MAGT1: variants seen among roughly 807,000 people sequenced by gnomAD.
The protein encoded by MAGT1 is magnesium transporter 1.
In MAGT1, 4 loss-of-function variants were observed where a neutral mutation model predicts 28.4. That is an observed-to-expected ratio of 0.14 (90% CI 0.07 to 0.32). The LOEUF (loss-of-function observed/expected upper bound fraction) is 0.32. Ranked by LOEUF, MAGT1 falls within the 10% of genes least tolerant of loss-of-function variation. MAGT1 has a pLI of 1.00. For missense variants in MAGT1, 193 were observed against 264.5 expected (o/e 0.73, Z 1.88); for synonymous variants, 89 against 89.7 (o/e 0.99, Z 0.04).
chrX:77,894,860 T>C (rs2077094037), intron 1 of MAGT1, among the ~76,000 whole-genome samples: 1 of 112,201 alleles, frequency 8.9e-6, no homozygotes, highest in Admixed American at 9.5e-5. Context: ...GTAATAAATC[T>C]GGCATAATTT....
intron 1 of MAGT1, among the ~76,000 whole-genome samples, chrX:77,893,045 GGGAGGCCAAGGTGGGA>G (rs1198522757): frequency 2.7e-5 from 3 of 111,875 alleles, no homozygotes; most frequent in African/African-American, 9.7e-5. Context: ...TCAGCACTTT[GGGAGGCCAAGGTGGGA>G]GGATCACTTG....
Position 77,869,585 on chromosome X carries a change from G to A in MAGT1, c.390+1223C>T, listed in dbSNP as rs1211470083. Among the ~76,000 whole-genome samples the A allele has an allele frequency of 3.6e-5, 4 of 111,049 alleles. No individual in the cohort carries two copies. The East Asian group carries it at 1.1e-3, about 31-fold the overall frequency. On this transcript the variant is annotated intron_variant, in intron 3 of 9. Transcript: ENST00000618282. The stretch of plus-strand genomic sequence containing the variant: ...AAAACAAACAATCCCATCAAAAAAT[G>A]GGTAAAGGACAAGAATAGACATTTC...
intron 1 of MAGT1, 95 bp downstream of exon 1, chrX:77,895,214 A>C (rs1001550444): frequency 2.1e-6 from 2 of 973,896 alleles, no homozygotes; most frequent in African/African-American, 3.8e-5. Flanking sequence ...AAAGGCATAG[A>C]AGCGGCAGGG....
intron 1 of MAGT1, among the ~76,000 whole-genome samples, chrX:77,891,571 G>A (rs1293517126): frequency 9.0e-6 from 1 of 111,673 alleles, no homozygotes; most frequent in Non-Finnish European, 1.9e-5. Flanking sequence ...CAATGTTAAT[G>A]TGTGTATTAT....
At chrX:77,851,546 G>T (rs1468896989) in intron 7 of MAGT1, among the ~76,000 whole-genome samples, 1 of 111,503 alleles carries the variant, frequency 9.0e-6, no homozygotes, top group African/African-American at 3.3e-5. Context: ...GCTAATTTTT[G>T]TATTTTTAGT....
intron 8 of MAGT1, among the ~76,000 whole-genome samples, chrX:77,831,559 C>T (rs1367259198): frequency 1.9e-5 from 2 of 107,482 alleles, no homozygotes; most frequent in Admixed American, 2.1e-4. Context: ...CTGTTACAAT[C>T]GACAAGAAAA....
intron 1 of MAGT1, among the ~76,000 whole-genome samples, 167 bp from the exon 2 acceptor site, chrX:77,875,764 A>T (rs1557217749): frequency 9.0e-6 from 1 of 110,854 alleles, no homozygotes. Context: ...TTATTCTTAA[A>T]ATACATTATT....
At chrX:77,849,370 G>A (rs1397731589) in intron 7 of MAGT1, among the ~76,000 whole-genome samples, 2 of 110,157 alleles carry the variant, frequency 1.8e-5, no homozygotes, top group Non-Finnish European at 3.8e-5. Flanking sequence ...ATGAGCCACC[G>A]CACCCAGCCC....
At chrX:77,844,075 C>G (rs2076943216) in intron 7 of MAGT1, among the ~76,000 whole-genome samples, 1 of 111,196 alleles carries the variant, frequency 9.0e-6, no homozygotes, top group Non-Finnish European at 1.9e-5. Flanking sequence ...TCCATCTGGT[C>G]CTGGACTTTT....
chrX:77,884,030 T>C (rs1027447649), intron 1 of MAGT1, among the ~76,000 whole-genome samples: 5 of 109,903 alleles, frequency 4.5e-5, no homozygotes, highest in African/African-American at 1.7e-4. Context: ...CCGTCTCTAC[T>C]AAAAATACAA....
At chrX:77,888,867 C>T (rs2077073991) in intron 1 of MAGT1, among the ~76,000 whole-genome samples, 1 of 111,383 alleles carries the variant, frequency 9.0e-6, no homozygotes, top group South Asian at 3.7e-4. Flanking sequence ...GCATAATAAT[C>T]ACATCATGGT....
In MAGT1 at chrX:77,857,372, G is replaced by T. The variant is rs782064334; in HGVS notation, c.516C>A (p.Asp172Glu). Residue 172 changes from aspartate to glutamate, a missense_variant, in exon 4 of 10, where the codon GAC becomes GAA. By Grantham distance (45) the Asp-to-Glu change is conservative. Transcript: ENST00000618282. Reference sequence around the variant, plus strand: ...GGAAACTTACATTGACATCAGTTCTGTCGGCGATCCACCGGGCAATCTGCT... The same window carrying T: ...GGAAACTTACATTGACATCAGTTCTTTCGGCGATCCACCGGGCAATCTGCT... Reference protein sequence around the residue: ...SAEQIARWIADRTDVNIRVIR... With the variant: ...SAEQIARWIAERTDVNIRVIR... 1 of 1,211,219 alleles carries T rather than the reference G, an allele frequency of 8.3e-7. No individual in the cohort carries two copies. The highest frequency in any genetic ancestry group is 1.1e-6 in the Non-Finnish European group (1 of 895,398).
At chrX:77,861,112 G>A (rs1012830866) in intron 3 of MAGT1, among the ~76,000 whole-genome samples, 1 of 109,531 alleles carries the variant, frequency 9.1e-6, no homozygotes, top group Non-Finnish European at 1.9e-5. Context: ...CCGGGAAACG[G>A]AGGTTGTGGT....
chrX:77,833,075 C>T (rs1262940055), intron 8 of MAGT1, among the ~76,000 whole-genome samples: 2 of 111,555 alleles, frequency 1.8e-5, no homozygotes, highest in African/African-American at 6.5e-5. Context: ...GACTGATTTT[C>T]AATGTGAAAA....
chrX:77,866,086 G>A (rs2149022196), intron 3 of MAGT1, among the ~76,000 whole-genome samples: 1 of 64,970 alleles, frequency 1.5e-5, no homozygotes, highest in African/African-American at 3.6e-5. Flanking sequence ...TTGAGCAGAG[G>A]TTGGCAGTGA....
At chrX:77,844,385 T>G (rs1305358121) in intron 7 of MAGT1, among the ~76,000 whole-genome samples, 3 of 111,655 alleles carry the variant, frequency 2.7e-5, no homozygotes, top group Non-Finnish European at 5.6e-5. Context: ...TTTGTTGATC[T>G]TTTCAAAAAC....
intron 3 of MAGT1, among the ~76,000 whole-genome samples, chrX:77,863,634 G>A (rs192238378): frequency 1.2e-3 from 130 of 112,286 alleles, no homozygotes; most frequent in African/African-American, 4.2e-3. Flanking sequence ...GTATATCAAA[G>A]GGATACCTGC....
At chrX:77,890,850 T>C (rs1446151710) in intron 1 of MAGT1, among the ~76,000 whole-genome samples, 1 of 111,379 alleles carries the variant, frequency 9.0e-6, no homozygotes, top group Middle Eastern at 4.2e-3. Flanking sequence ...TTAAACATCA[T>C]TGGGGGTGGA....
At chrX:77,832,229 C>T (rs1020602501) in intron 8 of MAGT1, among the ~76,000 whole-genome samples, 1 of 111,151 alleles carries the variant, frequency 9.0e-6, no homozygotes, top group African/African-American at 3.3e-5. Flanking sequence ...TTTCAATCCC[C>T]GGACTAAAAA....
Sources: allele counts gnomAD v4.1 joint callset (sites outside exome capture counted in the v4.1 genomes callset), GRCh38; gene constraint gnomAD v4.1.1; transcripts MANE v1.5; gene names NCBI Gene and HGNC (gene_info 2026-07-23, HGNC 2026-07-21).